The following ANK2 variants were observed in gnomAD, a reference collection of about 807,000 sequenced individuals.
ANK2 encodes ankyrin 2.
Under a neutral mutation model 360.5 loss-of-function variants are expected in ANK2, and 83 were observed. The observed-to-expected ratio is 0.23, with a 90% CI of 0.19 to 0.28. The LOEUF (loss-of-function observed/expected upper bound fraction) is 0.28, where lower values mean the gene tolerates loss of function less well. Among genes scored for constraint, ANK2 ranks in the 10% least tolerant of loss-of-function variants. ANK2 has a pLI of 1.00. For missense variants in ANK2, 4,201 were observed against 4,795.7 expected, an observed-to-expected ratio of 0.88 and a Z score of 3.66; for synonymous variants, 1,740 against 1,759.5, an observed-to-expected ratio of 0.99 and a Z score of 0.28.
At chr4:113,029,708 G>C (rs200234404) in intron 2 of ANK2, among the ~76,000 whole-genome samples, 1 of 151,886 alleles carries the variant, frequency 6.6e-6, no homozygotes, top group Non-Finnish European at 1.5e-5. Context: ...CGACCTATTC[G>C]TCTCTTCTTG....
intron 2 of ANK2, among the ~76,000 whole-genome samples, chr4:112,917,082 T>A (rs995324564): frequency 3.3e-5 from 5 of 152,256 alleles, no homozygotes; most frequent in African/African-American, 1.2e-4. Flanking sequence ...AACATGCAAA[T>A]TCCAGAGCAG....
intron 5 of ANK2, 143 bp downstream of exon 5, chr4:113,232,402 G>C (rs1276030364): frequency 1.4e-6 from 1 of 692,912 alleles, no homozygotes; most frequent in African/African-American, 1.8e-5. Context: ...CAGTGGCTGT[G>C]AACAAATGAC....
chr4:112,999,394 GGAAAT>G (rs1487964857), intron 2 of ANK2, among the ~76,000 whole-genome samples: 4 of 152,030 alleles, frequency 2.6e-5, no homozygotes, highest in South Asian at 2.1e-4. Flanking sequence ...TTTACATTAA[GGAAAT>G]GAAGATCAGA....
chr4:113,365,617 A>G (rs1166326426), intron 41 of ANK2, among the ~76,000 whole-genome samples: 5 of 150,944 alleles, frequency 3.3e-5, no homozygotes, highest in Non-Finnish European at 7.4e-5. Context: ...CCACCTTTTC[A>G]GTGTTAAAGT....
At chr4:112,914,319 T>C (rs188153560) in intron 2 of ANK2, among the ~76,000 whole-genome samples, 1 of 152,350 alleles carries the variant, frequency 6.6e-6, no homozygotes, top group Admixed American at 6.5e-5. Context: ...GCATATCGTA[T>C]CTAAAGTGAA....
At chr4:113,123,917 G>A in intron 1 of ANK2, among the ~76,000 whole-genome samples, 1 of 151,836 alleles carries the variant, frequency 6.6e-6, no homozygotes, top group Non-Finnish European at 1.5e-5. Context: ...GCAACTTTCT[G>A]AAAGTTTAAT....
chr4:113,152,065 C>CAAAAAAAAAAAAAGA (rs1411933537), intron 1 of ANK2, among the ~76,000 whole-genome samples: 1 of 62,314 alleles, frequency 1.6e-5, no homozygotes, highest in Non-Finnish European at 2.8e-5. Flanking sequence ...GTCTCTGTCT[C>CAAAAAAAAAAAAAGA]AAAAAAAAAA....
chr4:112,812,172 G>T, the ANK2 span, among the ~76,000 whole-genome samples: 20 of 146,546 alleles, frequency 1.4e-4, no homozygotes, highest in Admixed American at 7.5e-4. Flanking sequence ...ACTAATTTTC[G>T]TGTAAGGAAT....
At chr4:113,187,407 C>T (rs754650796) in intron 2 of ANK2, among the ~76,000 whole-genome samples, 13 of 152,162 alleles carry the variant, frequency 8.5e-5, no homozygotes, top group East Asian at 1.9e-4. Flanking sequence ...TTATAAGTCT[C>T]GATGCCAAAC....
intron 1 of ANK2, among the ~76,000 whole-genome samples, chr4:113,054,516 C>A (rs1309248077): frequency 1.3e-5 from 2 of 152,144 alleles, no homozygotes; most frequent in East Asian, 3.8e-4. Flanking sequence ...GGTAGTAGAT[C>A]CAACATTTGG....
chr4:113,150,142 C>A (rs1241185419), intron 1 of ANK2, among the ~76,000 whole-genome samples: 1 of 152,054 alleles, frequency 6.6e-6, no homozygotes, highest in Admixed American at 6.6e-5. Flanking sequence ...TGGTGCAGAT[C>A]AGCTGTACCA....
chr4:112,896,575 G>T (rs905870612), intron 1 of ANK2, among the ~76,000 whole-genome samples: 2 of 152,230 alleles, frequency 1.3e-5, no homozygotes, highest in Non-Finnish European at 2.9e-5. Flanking sequence ...AAATGTGTGA[G>T]TGCTGGTAAT....
chr4:113,365,272 T>TA, intron 41 of ANK2, 90 bp downstream of exon 41: 1 of 1,397,826 alleles, frequency 7.2e-7, no homozygotes, highest in Non-Finnish European at 9.7e-7. Flanking sequence ...GGACCTACTG[T>TA]CTTTTTTTTT....
chr4:113,348,310 T>A lies in ANK2; in HGVS notation c.4404+2T>A. On this transcript the variant is annotated splice_donor_variant, in intron 36 of 45. Coordinates refer to ENST00000357077, the MANE Select transcript of ANK2 (RefSeq NM_001148.6). LOFTEE classifies it high-confidence loss of function. Reference sequence around the variant, plus strand: ...TCAGATCAAGAACAGGAGGAAGAGGTAATTTTATGACAGTGTCACTTGTTA... The same window carrying A: ...TCAGATCAAGAACAGGAGGAAGAGGAAATTTTATGACAGTGTCACTTGTTA... 6.2e-7 allele frequency: 1 copy of A among 1,613,078 alleles called. No homozygotes were observed. Among genetic ancestry groups the A allele is most frequent in the Non-Finnish European group, 8.5e-7 (1 of 1,179,334 alleles).
intron 2 of ANK2, among the ~76,000 whole-genome samples, chr4:112,951,856 A>G: frequency 6.6e-6 from 1 of 152,238 alleles, no homozygotes; most frequent in South Asian, 2.1e-4. Context: ...GATTATAACA[A>G]ATTGCTTTCA....
intron 1 of ANK2, among the ~76,000 whole-genome samples, chr4:112,873,027 TATA>T (rs1388157612): frequency 1.3e-5 from 2 of 152,168 alleles, no homozygotes; most frequent in Non-Finnish European, 2.9e-5. Flanking sequence ...AGTGTTTACT[TATA>T]ATCCATTTTT....
intron 1 of ANK2, among the ~76,000 whole-genome samples, chr4:112,830,390 C>T (rs1222357801): frequency 6.6e-6 from 1 of 152,154 alleles, no homozygotes; most frequent in Non-Finnish European, 1.5e-5. Context: ...AGCAAATTAA[C>T]ACAGTAACAG....
chr4:113,302,959 C>T, intron 23 of ANK2, 120 bp downstream of exon 23: 1 of 902,626 alleles, frequency 1.1e-6, no homozygotes, highest in Non-Finnish European at 1.8e-6. Context: ...TTTAAAGTCA[C>T]TTTTTCACCT....
chr4:113,282,539 G>C, intron 17 of ANK2, 136 bp from the exon 18 acceptor site: 1 of 859,666 alleles, frequency 1.2e-6, no homozygotes, highest in Non-Finnish European at 1.9e-6. Context: ...AACGTGATGA[G>C]TAAGAGTTTG....
Sources: gnomAD v4.1 joint callset for allele counts (sites outside exome capture counted in the v4.1 genomes callset) on GRCh38, gnomAD v4.1.1 for gene constraint, MANE v1.5 for transcripts, NCBI Gene and HGNC (gene_info 2026-07-23, HGNC 2026-07-21) for gene names.